The following NECTIN3 variants were observed in gnomAD, a reference collection of about 807,000 sequenced individuals.
NECTIN3 encodes the protein nectin-3.
NECTIN3 carries 8 observed loss-of-function variants against 49.4 expected under a neutral mutation model. The ratio of observed to expected loss-of-function variants is 0.16; its 90% CI spans 0.10 to 0.29. The LOEUF is 0.29. NECTIN3 is among the 10% of genes least tolerant of loss of function. NECTIN3 has a pLI of 1.00. For missense variants in NECTIN3, 581 were observed against 654.6 expected, an observed-to-expected ratio of 0.89 and a Z score of 1.23; for synonymous variants, 277 against 241.1, an observed-to-expected ratio of 1.15 and a Z score of -1.38.
At chr3:111,100,022 A>C (rs2032811966) in intron 1 of NECTIN3, among the ~76,000 whole-genome samples, 1 of 151,998 alleles carries the variant, frequency 6.6e-6, no homozygotes, top group Admixed American at 6.6e-5. Context: ...GGTTAGTCCA[A>C]CTCCAAAGTT....
At chr3:111,192,530 C>A in intron 1 of NECTIN3, 1 of 1,039,110 alleles carries the variant, frequency 9.6e-7, no homozygotes, top group Non-Finnish European at 1.4e-6. Flanking sequence ...ATTTGAGTGT[C>A]TCTGCTAAGA....
chr3:111,144,824 A>T, intron 5 of NECTIN3: 1 of 1,439,032 alleles, frequency 6.9e-7, no homozygotes, highest in Non-Finnish European at 9.3e-7. Context: ...TAGTTTGCAC[A>T]TTGTAGAAAA....
At chr3:111,078,623 C>A (rs2031393789) in intron 1 of NECTIN3, among the ~76,000 whole-genome samples, 1 of 152,090 alleles carries the variant, frequency 6.6e-6, no homozygotes, top group Non-Finnish European at 1.5e-5. Flanking sequence ...CTATGTTATG[C>A]AGAATACACT....
intron 6 of NECTIN3, among the ~76,000 whole-genome samples, chr3:111,145,531 A>T: frequency 6.6e-6 from 1 of 152,176 alleles, no homozygotes; most frequent in East Asian, 1.9e-4. Flanking sequence ...ACATCTTCTT[A>T]TTTAAAGAAT....
chr3:111,072,117 C>T lies in NECTIN3; in HGVS notation c.100C>T (p.Pro34Ser). Reference protein sequence around the residue: ...LLGAGLLLQPPTPPPLLLLLF... With the variant: ...LLGAGLLLQPSTPPPLLLLLF... Reference sequence around the variant, plus strand: ...CGGAGCCGGGCTCCTGCTGCAGCCCCCGACGCCACCTCCGCTGCTGCTGCT... The same window carrying T: ...CGGAGCCGGGCTCCTGCTGCAGCCCTCGACGCCACCTCCGCTGCTGCTGCT... Residue 34 changes from proline (P) to serine (S), a missense_variant, in exon 1 of 6, where the codon CCG (proline) becomes TCG (serine). By Grantham distance (74) the Pro-to-Ser change is moderately conservative (BLOSUM62 -1). Transcript: ENST00000485303. The T allele has an allele frequency of 6.5e-7, 1 of 1,549,660 alleles. No homozygotes were observed. Among genetic ancestry groups the T allele is most frequent in the Non-Finnish European group, 8.7e-7 (1 of 1,146,242 alleles).
At chr3:111,142,064 AGT>A (rs2107505359), downstream of NECTIN3, among the ~76,000 whole-genome samples, 1 of 152,066 alleles carries the variant, frequency 6.6e-6, no homozygotes, top group East Asian at 1.9e-4. Context: ...TGTGCGAAAC[AGT>A]GTTGGGGCTA....
At chr3:111,076,975 C>CAA (rs200742608) in intron 1 of NECTIN3, among the ~76,000 whole-genome samples, 5 of 65,870 alleles carry the variant, frequency 7.6e-5, no homozygotes, top group Admixed American at 1.8e-4. Flanking sequence ...GACTCCGTCT[C>CAA]AAAAAAAAAA....
intron 7 of NECTIN3, among the ~76,000 whole-genome samples, chr3:111,174,432 G>C (rs936488592): frequency 9.2e-5 from 14 of 151,976 alleles, no homozygotes; most frequent in African/African-American, 3.4e-4. Flanking sequence ...GTGGGGTTCT[G>C]TACCATATCC....
At chr3:111,186,144 G>A (rs1191421909) in intron 7 of NECTIN3, among the ~76,000 whole-genome samples, 1 of 152,010 alleles carries the variant, frequency 6.6e-6, no homozygotes, top group Non-Finnish European at 1.5e-5. Context: ...AATTACCCAA[G>A]GATGTGACAG....
At chr3:111,080,769 C>T (rs2031545358) in intron 1 of NECTIN3, among the ~76,000 whole-genome samples, 2 of 151,594 alleles carry the variant, frequency 1.3e-5, no homozygotes, top group Non-Finnish European at 2.9e-5. Flanking sequence ...ATAAAGGATA[C>T]CACGGTGGAA....
intron 1 of NECTIN3, among the ~76,000 whole-genome samples, chr3:111,106,202 G>A (rs2033174773): frequency 6.6e-6 from 1 of 152,018 alleles, no homozygotes; most frequent in Admixed American, 6.6e-5. Flanking sequence ...CTAATTGTCT[G>A]TTTCCTCATT....
Position 111,146,319 on chromosome 3 carries a change from A to G in NECTIN3, c.1140-1084A>G, listed in dbSNP as rs2107509031. On this transcript the variant is annotated intron_variant, in intron 6 of 8. Coordinates refer to the NECTIN3 transcript ENST00000493615. ...CGTAGTGGCGGGCGCCTGTAGTCCC[A>G]GCTACTTGGGAGGCTGAGGCAGGAG... 2.0e-5 allele frequency among the ~76,000 whole-genome samples: 3 copies of G among 150,860 alleles called. No homozygotes were observed. The South Asian group carries it at 6.3e-4, about 31-fold the overall frequency.
At chr3:111,181,202 C>T (rs928345495) in intron 7 of NECTIN3, among the ~76,000 whole-genome samples, 1 of 152,136 alleles carries the variant, frequency 6.6e-6, no homozygotes, top group African/African-American at 2.4e-5. Context: ...TTAAAAGAAC[C>T]TCACATGAAT....
chr3:111,104,520 A>G (rs184718468), intron 1 of NECTIN3, among the ~76,000 whole-genome samples: 26 of 151,870 alleles, frequency 1.7e-4, no homozygotes, highest in Admixed American at 4.6e-4. Context: ...GGTTCTCACT[A>G]TGTTGGCCAG....
At chr3:111,145,507 G>C (rs1322516577) in intron 6 of NECTIN3, among the ~76,000 whole-genome samples, 2 of 152,038 alleles carry the variant, frequency 1.3e-5, no homozygotes, top group Non-Finnish European at 2.9e-5. Flanking sequence ...TCTTTTTGGT[G>C]ACTTATAAAA....
intron 2 of NECTIN3, among the ~76,000 whole-genome samples, chr3:111,115,987 T>C (rs533298706): frequency 1.3e-5 from 2 of 152,148 alleles, no homozygotes; most frequent in East Asian, 3.9e-4. Flanking sequence ...TGGTGTTAGG[T>C]TTATTGAGTT....
At chr3:111,144,859 T>C in intron 5 of NECTIN3, 2 of 1,498,094 alleles carry the variant, frequency 1.3e-6, no homozygotes, top group Non-Finnish European at 1.8e-6. Flanking sequence ...AGAATTATTT[T>C]TAAGATTATT....
chr3:111,096,074 T>A (rs1004547263), intron 1 of NECTIN3, among the ~76,000 whole-genome samples: 3 of 152,198 alleles, frequency 2.0e-5, no homozygotes, highest in African/African-American at 7.2e-5. Context: ...TGGGAAAGTT[T>A]GAAACTTCCT....
chr3:111,119,039 T>C, intron 3 of NECTIN3, 87 bp downstream of exon 3: 1 of 1,158,986 alleles, frequency 8.6e-7, no homozygotes. Flanking sequence ...TAGCTTTTCC[T>C]TGTTTTTGTT....
Sources: allele counts gnomAD v4.1 joint callset (sites outside exome capture counted in the v4.1 genomes callset), GRCh38; gene constraint gnomAD v4.1.1; transcripts MANE v1.5; gene names NCBI Gene and HGNC (gene_info 2026-07-23, HGNC 2026-07-21).